Variants in ZBTB20 observed in about 807,000 individuals in gnomAD.
ZBTB20 encodes the protein zinc finger and BTB domain containing 20, also known as zinc finger and BTB domain-containing protein 20.
A neutral mutation model predicts 56.9 loss-of-function variants in ZBTB20; 9 were observed. The ratio of observed to expected loss-of-function variants is 0.16; its 90% CI spans 0.10 to 0.28. The LOEUF (loss-of-function observed/expected upper bound fraction) is 0.28. Among genes scored for constraint, ZBTB20 ranks in the 10% least tolerant of loss-of-function variants. ZBTB20 has a pLI of 1.00. For missense variants in ZBTB20, 655 were observed against 1,003.0 expected (o/e 0.65, Z 4.69); for synonymous variants, 417 against 420.7 (o/e 0.99, Z 0.11).
At chr3:114,618,886 T>G (rs2058119276) in intron 6 of ZBTB20, among the ~76,000 whole-genome samples, 1 of 152,244 alleles carries the variant, frequency 6.6e-6, no homozygotes, top group African/African-American at 2.4e-5. Context: ...TGACTAGGAA[T>G]GCAATTAGCA....
At chr3:115,075,289 T>C in intron 1 of ZBTB20, among the ~76,000 whole-genome samples, 1 of 152,128 alleles carries the variant, frequency 6.6e-6, no homozygotes, top group East Asian at 1.9e-4. Flanking sequence ...ATTTTCCCTT[T>C]CCTTCAGCCC....
rs201184862 is a variant in ZBTB20 at position 114,315,567 on chromosome 3, C to CAG, written c.*23436_*23437dup. On this transcript the variant is annotated 3_prime_UTR_variant, in exon 12 of 12. Coordinates refer to ENST00000675478, the MANE Select transcript of ZBTB20 (RefSeq NM_001348800.3). ...TGTGTGTATTTTAGGTCTAAACATA[C>CAG]AGTGTGTGTGTGTGTGTGTGTGTGT... The CAG allele has an allele frequency of 0.1, 3,471 of 34,816 alleles. 79 individuals carry two copies. Among genetic ancestry groups the CAG allele is most frequent in the Admixed American group, 0.27 (1,051 of 3,896 alleles). The allele number at this position is 34,816 out of a possible 1,614,324, so 2.2% of individuals were successfully genotyped here. A position where few individuals can be genotyped will look rare whatever the true frequency, so the allele number is the denominator to read the frequency against.
At chr3:114,848,139 T>C (rs1013814431) in intron 4 of ZBTB20, among the ~76,000 whole-genome samples, 9 of 152,116 alleles carry the variant, frequency 5.9e-5, no homozygotes, top group African/African-American at 1.4e-4. Context: ...GAGCCCCGCG[T>C]GTTTGCTAGC....
At chr3:114,829,810 T>A (rs1441715691) in intron 4 of ZBTB20, among the ~76,000 whole-genome samples, 1 of 151,834 alleles carries the variant, frequency 6.6e-6, no homozygotes, top group African/African-American at 2.4e-5. Context: ...AATCTAGTGT[T>A]CTTTCTACTG....
Position 114,327,110 on chromosome 3 carries a change from T to C in ZBTB20, c.*11895A>G, listed in dbSNP as rs1257776352. The C allele has an allele frequency of 6.6e-6, 1 of 152,196 alleles. No individual in the cohort carries two copies. The highest frequency in any genetic ancestry group is 1.5e-5 in the Non-Finnish European group (1 of 68,036). The allele number at this position is 152,196 out of a possible 1,614,324, so 9.4% of individuals were successfully genotyped here. A position where few individuals can be genotyped will look rare whatever the true frequency, so the allele number is the denominator to read the frequency against. On this transcript the variant is annotated 3_prime_UTR_variant, in exon 12 of 12. Transcript: ENST00000675478. ...GGGCTATTGATGCTCCTGACAGGTG[T>C]CAGCTTGGAAAGACAGGAGGCTCAT...
intron 7 of ZBTB20, among the ~76,000 whole-genome samples, chr3:114,425,242 G>C (rs1335872263): frequency 6.6e-6 from 1 of 152,148 alleles, no homozygotes; most frequent in Non-Finnish European, 1.5e-5. Context: ...GTGTCAGCCT[G>C]GCCCTCTACA....
At chr3:114,362,710 A>T (rs189003814) in intron 10 of ZBTB20, among the ~76,000 whole-genome samples, 1 of 152,248 alleles carries the variant, frequency 6.6e-6, no homozygotes, top group Admixed American at 6.5e-5. Context: ...CCCCAGAGAG[A>T]CAGCTCACTG....
chr3:115,050,690 C>T (rs1294377151), intron 2 of ZBTB20, among the ~76,000 whole-genome samples: 1 of 151,988 alleles, frequency 6.6e-6, no homozygotes, highest in African/African-American at 2.4e-5. Flanking sequence ...CGCATACAGG[C>T]ATAACTGGCA....
Position 114,839,922 on chromosome 3 carries a change from T to C in ZBTB20, c.-416-38748A>G, listed in dbSNP as rs147973645. Among the ~76,000 whole-genome samples, 4 of 152,334 alleles carry C rather than the reference T, an allele frequency of 2.6e-5. No individual in the cohort carries two copies. The East Asian group carries it at 7.7e-4, about 29-fold the overall frequency. ...AAGTGTAGCCCTGCCAACACCTTGA[T>C]TTCAGACTTCTGGCTTCCAATTCTG... On this transcript the variant is annotated intron_variant, in intron 4 of 11. Coordinates refer to ENST00000675478, the MANE Select transcript of ZBTB20 (RefSeq NM_001348800.3).
intron 6 of ZBTB20, among the ~76,000 whole-genome samples, chr3:114,605,124 G>C (rs2057044640): frequency 6.6e-6 from 1 of 152,016 alleles, no homozygotes; most frequent in Non-Finnish European, 1.5e-5. Context: ...TGAGTACTTA[G>C]AAGTTCCTAA....
chr3:114,351,239 T>C lies in ZBTB20; in HGVS notation c.839A>G (p.His280Arg). ...GATCCAGCTGGGGTCTTCCATGTGG[T>C]GGTCGCGGGGCAGGCCGAGCGCAGT... ...HETALGLPRD[H>R]HMEDPSWITR... Residue 280 changes from histidine (H) to arginine (R), a missense_variant, in exon 11 of 12, where the codon CAC (histidine) becomes CGC (arginine). By Grantham distance (29) the His-to-Arg change is conservative (BLOSUM62 0). Around this residue, in one of 10 missense-constraint regions of ZBTB20, gnomAD observed 167 missense variants for 281.9 expected, o/e 0.59. Coordinates refer to ENST00000675478, the MANE Select transcript of ZBTB20 (RefSeq NM_001348800.3). 6.2e-6 allele frequency: 10 copies of C among 1,600,436 alleles called. No individual in the cohort carries two copies. The highest frequency in any genetic ancestry group is 7.6e-6 in the Non-Finnish European group (9 of 1,178,318).
At chr3:114,601,986 T>G (rs772395445) in intron 6 of ZBTB20, among the ~76,000 whole-genome samples, 1 of 152,134 alleles carries the variant, frequency 6.6e-6, no homozygotes, top group East Asian at 1.9e-4. Context: ...ATGAGTATTA[T>G]AATCCACCAA....
At chr3:115,131,670 T>C (rs903539846) in intron 1 of ZBTB20, among the ~76,000 whole-genome samples, 2 of 152,346 alleles carry the variant, frequency 1.3e-5, no homozygotes, top group Non-Finnish European at 2.9e-5. Flanking sequence ...GCAAATCATA[T>C]GCAAATTATA....
intron 2 of ZBTB20, among the ~76,000 whole-genome samples, chr3:115,033,773 C>A (rs1411934341): frequency 6.6e-6 from 1 of 151,636 alleles, no homozygotes; most frequent in African/African-American, 2.4e-5. Flanking sequence ...TACCCTGATG[C>A]CAAAACCAGA....
At chr3:114,591,867 T>G (rs2055801688) in intron 6 of ZBTB20, among the ~76,000 whole-genome samples, 1 of 152,186 alleles carries the variant, frequency 6.6e-6, no homozygotes, top group African/African-American at 2.4e-5. Context: ...AAGCATGCAT[T>G]TCTTGTCCTC....
chr3:115,014,316 A>C (rs978811623), intron 2 of ZBTB20, among the ~76,000 whole-genome samples: 1 of 151,664 alleles, frequency 6.6e-6, no homozygotes, highest in Non-Finnish European at 1.5e-5. Flanking sequence ...GGTTAAAAAT[A>C]GTTAGAAAGA....
At chr3:114,644,262 T>A (rs556911526) in intron 6 of ZBTB20, among the ~76,000 whole-genome samples, 64 of 152,118 alleles carry the variant, frequency 4.2e-4, no homozygotes, top group African/African-American at 1.5e-3. Flanking sequence ...TTGTAAAAAA[T>A]TAAATGGAAA....
intron 6 of ZBTB20, among the ~76,000 whole-genome samples, chr3:114,559,063 A>C (rs911784255): frequency 1.3e-5 from 2 of 152,114 alleles, no homozygotes; most frequent in Admixed American, 1.3e-4. Flanking sequence ...TTACATGTTT[A>C]TTAACTATCT....
intron 7 of ZBTB20, among the ~76,000 whole-genome samples, chr3:114,491,385 T>C (rs114703425): frequency 0.011 from 1,641 of 152,356 alleles, 29 homozygotes; most frequent in African/African-American, 0.037. Context: ...CTGTCCCATT[T>C]GTCTCAAGAA....
Sources: allele counts gnomAD v4.1 joint callset (sites outside exome capture counted in the v4.1 genomes callset), GRCh38; gene constraint gnomAD v4.1.1; regional missense constraint gnomAD v4.1.1; transcripts MANE v1.5; gene names NCBI Gene and HGNC (gene_info 2026-07-23, HGNC 2026-07-21).